Variants in TNKS observed in about 807,000 individuals in gnomAD.
TNKS encodes the protein poly [ADP-ribose] polymerase tankyrase-1.
A neutral mutation model predicts 135.8 loss-of-function variants in TNKS; 72 were observed. That is an observed-to-expected ratio of 0.53 (90% CI 0.44 to 0.64). The LOEUF is 0.64. Ranked by LOEUF, TNKS falls within the 30% of genes least tolerant of loss-of-function variation. The pLI is 0.00. For synonymous variants in TNKS, 849 were observed against 649.3 expected, an observed-to-expected ratio of 1.31 and a Z score of -4.68; for missense variants, 1,769 against 1,674.0, an observed-to-expected ratio of 1.06 and a Z score of -0.99.
At chr8:9,586,366 C>G (rs73664745) in intron 2 of TNKS, among the ~76,000 whole-genome samples, 1 of 152,112 alleles carries the variant, frequency 6.6e-6, no homozygotes, top group African/African-American at 2.4e-5. Flanking sequence ...CCCATTTTTC[C>G]CATCCCAGTT....
chr8:9,724,634 G>T (rs1008538990), intron 12 of TNKS, among the ~76,000 whole-genome samples: 1 of 151,718 alleles, frequency 6.6e-6, no homozygotes, highest in African/African-American at 2.4e-5. Flanking sequence ...TACATTTTTC[G>T]CATTATTTCT....
intron 11 of TNKS, among the ~76,000 whole-genome samples, chr8:9,719,330 T>C (rs2128812228): frequency 6.6e-6 from 1 of 152,282 alleles, no homozygotes; most frequent in Non-Finnish European, 1.5e-5. Flanking sequence ...TACACAAATA[T>C]TTTCAATAAT....
intron 3 of TNKS, among the ~76,000 whole-genome samples, chr8:9,645,124 T>TA (rs1474678925): frequency 6.6e-6 from 1 of 152,134 alleles, no homozygotes; most frequent in Non-Finnish European, 1.5e-5. Flanking sequence ...GTAAGTCACC[T>TA]ACCCCATCTT....
At position 9,556,173 on chromosome 8, in the gene TNKS, C is replaced by G. The variant is rs758104089; in HGVS notation, c.234C>G (p.Pro78=). 4 of 1,612,280 alleles carry G rather than the reference C, an allele frequency of 2.5e-6. No homozygotes were observed. Among genetic ancestry groups the G allele is most frequent in the Non-Finnish European group, 3.4e-6 (4 of 1,178,974 alleles). The change falls in exon 1 of 27, where the codon CCC becomes CCG. Residue 78 remains proline (P), a synonymous_variant. Transcript: ENST00000310430. ...GCAGTCGGGATCCGCCCGACAGGCCCCGATCCCCGGACCCGGTTGACGGTA... is the reference window on the plus strand; with the variant it reads ...GCAGTCGGGATCCGCCCGACAGGCCGCGATCCCCGGACCCGGTTGACGGTA... The part of the protein sequence containing the change: ...GDGSRDPPDR[P]RSPDPVDGTS...
At chr8:9,774,983 G>T (rs1341890792) in intron 26 of TNKS, among the ~76,000 whole-genome samples, 1 of 152,160 alleles carries the variant, frequency 6.6e-6, no homozygotes, top group Non-Finnish European at 1.5e-5. Context: ...TCCTGTTTTT[G>T]TCTGTCCGCA....
At chr8:9,677,100 A>G (rs868661787) in intron 3 of TNKS, among the ~76,000 whole-genome samples, 2 of 152,136 alleles carry the variant, frequency 1.3e-5, no homozygotes, top group Admixed American at 6.5e-5. Flanking sequence ...TCATTATGTT[A>G]GCTGTTCCTG....
chr8:9,614,958 A>G (rs570122101), intron 2 of TNKS, among the ~76,000 whole-genome samples: 2 of 152,282 alleles, frequency 1.3e-5, no homozygotes, highest in East Asian at 1.9e-4. Context: ...TATTATAGTG[A>G]TTGAGTTTCT....
chr8:9,568,260 G>A (rs2129050840), intron 1 of TNKS, among the ~76,000 whole-genome samples: 1 of 152,230 alleles, frequency 6.6e-6, no homozygotes, highest in Admixed American at 6.5e-5. Context: ...TGTTTCTCAG[G>A]GATCTGGCTT....
At chr8:9,709,079 C>A (rs150165721) in intron 9 of TNKS, among the ~76,000 whole-genome samples, 1 of 152,084 alleles carries the variant, frequency 6.6e-6, no homozygotes, top group East Asian at 1.9e-4. Flanking sequence ...GGTTAGTGAT[C>A]GCTCCTAAAT....
intron 13 of TNKS, among the ~76,000 whole-genome samples, chr8:9,730,215 A>T (rs1805366477): frequency 6.6e-6 from 1 of 152,212 alleles, no homozygotes; most frequent in Non-Finnish European, 1.5e-5. Flanking sequence ...ATTGTGCTGA[A>T]ATTGAAGCAT....
At chr8:9,667,127 T>C (rs770852202) in intron 3 of TNKS, among the ~76,000 whole-genome samples, 6 of 152,306 alleles carry the variant, frequency 3.9e-5, no homozygotes, top group Admixed American at 1.3e-4. Context: ...ATTCAACAAA[T>C]AGAAACGACA....
At chr8:9,776,323 A>G (rs1808224128) in intron 26 of TNKS, among the ~76,000 whole-genome samples, 1 of 152,202 alleles carries the variant, frequency 6.6e-6, no homozygotes, top group South Asian at 2.1e-4. Flanking sequence ...GACAGCACCA[A>G]TGCTCTGTGA....
At chr8:9,763,045 C>G in intron 21 of TNKS, 102 bp from the exon 22 acceptor site, 1 of 515,838 alleles carries the variant, frequency 1.9e-6, no homozygotes, top group East Asian at 3.4e-5. Flanking sequence ...GTTCCAAAAC[C>G]TCAATTACTT....
intron 11 of TNKS, 160 bp downstream of exon 11, chr8:9,710,380 T>C: frequency 1.5e-6 from 1 of 672,698 alleles, no homozygotes; most frequent in South Asian, 1.9e-5. Flanking sequence ...CTGATTTAGA[T>C]CTTGTTTCTA....
chr8:9,581,176 C>T (rs1798149689), intron 2 of TNKS, among the ~76,000 whole-genome samples: 1 of 152,176 alleles, frequency 6.6e-6, no homozygotes, highest in African/African-American at 2.4e-5. Context: ...CTAAAATATA[C>T]ATGACATTTT....
At chr8:9,648,057 G>A (rs970423978) in intron 3 of TNKS, among the ~76,000 whole-genome samples, 2 of 152,144 alleles carry the variant, frequency 1.3e-5, no homozygotes, top group East Asian at 1.9e-4. Flanking sequence ...TATGTCTTCT[G>A]TAGGGCACTT....
At chr8:9,626,495 A>G (rs1031501562) in intron 3 of TNKS, among the ~76,000 whole-genome samples, 3 of 152,224 alleles carry the variant, frequency 2.0e-5, no homozygotes, top group South Asian at 2.1e-4. Flanking sequence ...GGAAACTAGT[A>G]CAGTATCTAT....
At chr8:9,708,327 C>T in intron 8 of TNKS, 44 bp from the exon 9 acceptor site, 2 of 1,454,096 alleles carry the variant, frequency 1.4e-6, no homozygotes, top group South Asian at 1.5e-5. Context: ...GATTTTTATA[C>T]ATTTTTACAT....
chr8:9,741,500 T>C (rs1212932395), intron 17 of TNKS, among the ~76,000 whole-genome samples: 1 of 152,230 alleles, frequency 6.6e-6, no homozygotes, highest in Non-Finnish European at 1.5e-5. Flanking sequence ...GAAAAATTAA[T>C]TTATAAAGTA....
Sources: allele counts gnomAD v4.1 joint callset (sites outside exome capture counted in the v4.1 genomes callset), GRCh38; gene constraint gnomAD v4.1.1; transcripts MANE v1.5; gene names NCBI Gene and HGNC (gene_info 2026-07-23, HGNC 2026-07-21).